ADAMTSL1: variants seen among roughly 807,000 people sequenced by gnomAD.
The protein encoded by ADAMTSL1 is ADAMTS like 1, also known as ADAMTS-like protein 1.
Under a neutral mutation model 201.8 loss-of-function variants are expected in ADAMTSL1, and 126 were observed. The observed-to-expected ratio is 0.62, with a 90% CI of 0.54 to 0.72. The LOEUF is 0.72. ADAMTSL1 is among the 30% of genes least tolerant of loss of function. The pLI, the probability that ADAMTSL1 is intolerant of heterozygous loss-of-function variation, is 0.00. For missense variants in ADAMTSL1, 2,679 were observed against 2,277.8 expected, an observed-to-expected ratio of 1.18 and a Z score of -3.59; for synonymous variants, 1,121 against 903.4, an observed-to-expected ratio of 1.24 and a Z score of -4.32.
intron 13 of ADAMTSL1, among the ~76,000 whole-genome samples, chr9:18,702,646 A>T (rs751210973): frequency 4.6e-5 from 7 of 152,348 alleles, no homozygotes; most frequent in Non-Finnish European, 8.8e-5. Context: ...ATTTCCTGAG[A>T]AGGAAAGACT....
intron 23 of ADAMTSL1, among the ~76,000 whole-genome samples, chr9:18,838,399 A>G (rs1022210656): frequency 8.3e-4 from 121 of 145,128 alleles, no homozygotes; most frequent in African/African-American, 3.1e-3. Flanking sequence ...ACACACACAC[A>G]CACGCAAAAA....
rs1349720837 is a variant in ADAMTSL1, at chr9:18,733,269, CCTT to C, written c.2006+11606_2006+11608del. ...TGCTTTCTTCATCTCTATCAGATAA[CCTT>C]CATCTTATACTCTCAGTTACCAAAA... is the stretch of plus-strand genomic sequence containing the variant. On this transcript the variant is annotated intron_variant, in intron 15 of 28. Coordinates refer to ENST00000380548, the MANE Select transcript of ADAMTSL1 (RefSeq NM_001040272.6). Among the ~76,000 whole-genome samples, 38 of 152,280 alleles carry C rather than the reference CCTT, an allele frequency of 2.5e-4. 1 individual carries two copies. In the South Asian group the frequency reaches 2.9e-3, roughly 12 times the overall value.
chr9:18,287,489 T>C (rs1350109948), intron 2 of ADAMTSL1, among the ~76,000 whole-genome samples: 1 of 151,614 alleles, frequency 6.6e-6, no homozygotes, highest in Non-Finnish European at 1.5e-5. Context: ...AGATATGTAA[T>C]GCATGTATTT....
At position 18,332,529 on chromosome 9, in the gene ADAMTSL1, C is replaced by T. The variant is rs140156326; in HGVS notation, c.207+168548C>T. Among the ~76,000 whole-genome samples, 868 of 152,268 alleles carry T rather than the reference C, an allele frequency of 5.7e-3. 4 individuals are homozygous for T. Among genetic ancestry groups the T allele is most frequent in the Middle Eastern group, 0.024 (7 of 294 alleles). On this transcript the variant is annotated intron_variant, in intron 2 of 29. Coordinates refer to the ADAMTSL1 transcript ENST00000680146. Reference sequence around the variant, plus strand: ...ATAGTGTTACAATCATAGCCCCCTGCAGCCTTGACCTCTCAGGCTCCAGCA... The same window carrying T: ...ATAGTGTTACAATCATAGCCCCCTGTAGCCTTGACCTCTCAGGCTCCAGCA...
chr9:18,643,249 T>C (rs1018902513), intron 7 of ADAMTSL1, among the ~76,000 whole-genome samples: 2 of 152,096 alleles, frequency 1.3e-5, no homozygotes, highest in African/African-American at 4.8e-5. Context: ...TCAGATCCTT[T>C]GTTTATTTTT....
chr9:18,537,977 G>A (rs1307975595), intron 3 of ADAMTSL1, among the ~76,000 whole-genome samples: 2 of 151,320 alleles, frequency 1.3e-5, no homozygotes, highest in African/African-American at 2.4e-5. Context: ...GAAAGAAGAA[G>A]AGGAGGAAGA....
intron 2 of ADAMTSL1, among the ~76,000 whole-genome samples, chr9:18,454,846 C>G (rs1820542674): frequency 6.6e-6 from 1 of 152,162 alleles, no homozygotes; most frequent in East Asian, 1.9e-4. Context: ...CAATCATAGG[C>G]AAACCCAACC....
At chr9:17,946,673 G>A (rs973401514) in intron 1 of ADAMTSL1, among the ~76,000 whole-genome samples, 2 of 152,240 alleles carry the variant, frequency 1.3e-5, no homozygotes, top group East Asian at 3.9e-4. Flanking sequence ...ATTCCAAAGT[G>A]AAGTTTGAGA....
chr9:18,493,516 G>A (rs1822368020), intron 1 of ADAMTSL1, among the ~76,000 whole-genome samples: 1 of 152,276 alleles, frequency 6.6e-6, no homozygotes, highest in South Asian at 2.1e-4. Flanking sequence ...TGTTTACTCA[G>A]TGACAGGCTC....
intron 2 of ADAMTSL1, among the ~76,000 whole-genome samples, chr9:18,249,567 C>A (rs1279437889): frequency 2.0e-5 from 3 of 151,966 alleles, no homozygotes; most frequent in African/African-American, 7.3e-5. Flanking sequence ...ATCAAGACAT[C>A]CAGAAAAAAA....
At chr9:18,692,427 G>A (rs1006238214) in intron 13 of ADAMTSL1, among the ~76,000 whole-genome samples, 2 of 150,246 alleles carry the variant, frequency 1.3e-5, no homozygotes, top group Admixed American at 6.7e-5. Context: ...CTCTGTCACC[G>A]CAGTTGCTCG....
At position 18,161,326 on chromosome 9, in the gene ADAMTSL1, A is replaced by G. The variant is rs1200080309; in HGVS notation, c.88-2536A>G. Among the ~76,000 whole-genome samples the G allele has an allele frequency of 2.0e-5, 3 of 152,156 alleles. No homozygotes were observed. The East Asian group carries it at 5.8e-4, about 30-fold the overall frequency. On this transcript the variant is annotated intron_variant, in intron 1 of 29. Transcript: ENST00000680146. ...GCAAAAGAAACTTCTTTTTGTAGGCACAGAAGTTTTCACAAAGAAAATGCA... is the reference window on the plus strand; with the variant it reads ...GCAAAAGAAACTTCTTTTTGTAGGCGCAGAAGTTTTCACAAAGAAAATGCA...
intron 1 of ADAMTSL1, among the ~76,000 whole-genome samples, chr9:18,021,743 G>A (rs1820488439): frequency 1.3e-5 from 2 of 152,074 alleles, no homozygotes. Flanking sequence ...TAGTTGAGTT[G>A]TGCCAGGAAA....
At chr9:18,173,147 T>A (rs956784546) in intron 2 of ADAMTSL1, among the ~76,000 whole-genome samples, 3 of 152,188 alleles carry the variant, frequency 2.0e-5, no homozygotes, top group Non-Finnish European at 4.4e-5. Context: ...TGTGCTTTAA[T>A]GACTGAGATA....
At chr9:18,754,088 G>A (rs182845341) in intron 16 of ADAMTSL1, among the ~76,000 whole-genome samples, 58 of 152,200 alleles carry the variant, frequency 3.8e-4, no homozygotes, top group South Asian at 1.0e-3. Flanking sequence ...CCTTTCTTGC[G>A]TGTGTAAATA....
At chr9:17,985,728 A>G (rs1207132898) in intron 1 of ADAMTSL1, among the ~76,000 whole-genome samples, 1 of 152,130 alleles carries the variant, frequency 6.6e-6, no homozygotes, top group East Asian at 1.9e-4. Flanking sequence ...GCAATCAGAT[A>G]CTCCAATCCT....
intron 2 of ADAMTSL1, among the ~76,000 whole-genome samples, chr9:18,254,041 C>T (rs1273141628): frequency 6.6e-6 from 1 of 152,158 alleles, no homozygotes; most frequent in African/African-American, 2.4e-5. Flanking sequence ...GTTTGGGAGG[C>T]AGCACCTCCT....
intron 26 of ADAMTSL1, among the ~76,000 whole-genome samples, chr9:18,903,715 AT>A (rs1830134510): frequency 6.9e-5 from 2 of 28,998 alleles, no homozygotes; most frequent in African/African-American, 3.6e-4. Context: ...TCCACAGGTG[AT>A]TGATTGGTGT....
chr9:17,989,848 A>G (rs560673285), intron 1 of ADAMTSL1, among the ~76,000 whole-genome samples: 1 of 151,996 alleles, frequency 6.6e-6, no homozygotes, highest in South Asian at 2.1e-4. Flanking sequence ...TTAGCATGCA[A>G]AGAAAGGTCT....
Sources: allele counts gnomAD v4.1 joint callset (sites outside exome capture counted in the v4.1 genomes callset), GRCh38; gene constraint gnomAD v4.1.1; transcripts MANE v1.5; gene names NCBI Gene and HGNC (gene_info 2026-07-23, HGNC 2026-07-21).